Variants in PDZD2 observed in about 807,000 individuals in gnomAD.
PDZD2 encodes PDZ domain containing 2, also known as PDZ domain-containing protein 2.
In PDZD2, 90 loss-of-function variants were observed where a neutral mutation model predicts 220.7. The observed-to-expected ratio is 0.41, with a 90% CI of 0.34 to 0.49. The LOEUF (loss-of-function observed/expected upper bound fraction) is 0.49. PDZD2 is among the 20% of genes least tolerant of loss of function. The pLI is 0.28. For missense variants in PDZD2, 3,174 were observed against 3,608.5 expected, an observed-to-expected ratio of 0.88 and a Z score of 3.08; for synonymous variants, 1,375 against 1,450.5, an observed-to-expected ratio of 0.95 and a Z score of 1.18.
intron 1 of PDZD2, among the ~76,000 whole-genome samples, chr5:31,797,124 T>C (rs1754092593): frequency 8.6e-6 from 1 of 115,656 alleles, no homozygotes; most frequent in East Asian, 3.2e-4. Context: ...TTTTTTTTTT[T>C]AGTAGAGACG....
chr5:31,805,822 C>A (rs1754679720), intron 2 of PDZD2, among the ~76,000 whole-genome samples: 1 of 152,142 alleles, frequency 6.6e-6, no homozygotes, highest in Admixed American at 6.5e-5. Context: ...TCCAGGATAA[C>A]TGTTGTCTTT....
At chr5:31,989,532 C>T (rs1269770012) in intron 3 of PDZD2, among the ~76,000 whole-genome samples, 1 of 151,012 alleles carries the variant, frequency 6.6e-6, no homozygotes, top group African/African-American at 2.4e-5. Context: ...AAGCAATTCT[C>T]CTGCCTCAGC....
At chr5:31,869,840 C>T (rs1221904233) in intron 2 of PDZD2, among the ~76,000 whole-genome samples, 2 of 152,088 alleles carry the variant, frequency 1.3e-5, no homozygotes, top group African/African-American at 4.8e-5. Flanking sequence ...TCGGCTCGGG[C>T]ATCTGAGGGC....
intron 7 of PDZD2, among the ~76,000 whole-genome samples, chr5:32,038,182 T>TAAAAA (rs547581515): frequency 9.2e-6 from 1 of 109,056 alleles, no homozygotes; most frequent in East Asian, 2.6e-4. Flanking sequence ...TTTCCTCCAT[T>TAAAAA]AAAAAAAAAA....
At chr5:31,819,678 T>TC (rs1755705733) in intron 2 of PDZD2, among the ~76,000 whole-genome samples, 2 of 127,192 alleles carry the variant, frequency 1.6e-5, no homozygotes, top group Admixed American at 8.0e-5. Context: ...AAAAAAGAAT[T>TC]CTGCAATACA....
At chr5:31,813,420 A>G (rs1259120004) in intron 2 of PDZD2, among the ~76,000 whole-genome samples, 1 of 138,448 alleles carries the variant, frequency 7.2e-6, no homozygotes, top group Non-Finnish European at 1.5e-5. Flanking sequence ...ACTGTACTCC[A>G]GCCTGGGCGA....
At chr5:31,690,837 T>TC (rs1747088906) in intron 1 of PDZD2, among the ~76,000 whole-genome samples, 1 of 152,120 alleles carries the variant, frequency 6.6e-6, no homozygotes, top group African/African-American at 2.4e-5. Context: ...TGCAAACATA[T>TC]TTTTTTGGGG....
intron 13 of PDZD2, among the ~76,000 whole-genome samples, chr5:32,060,102 T>C (rs1469263611): frequency 6.6e-6 from 1 of 152,224 alleles, no homozygotes; most frequent in Admixed American, 6.5e-5. Context: ...ATGGCATTCA[T>C]TGAGGTTGCC....
chr5:32,003,381 ACAC>A (rs1752519410), intron 5 of PDZD2, among the ~76,000 whole-genome samples: 1 of 34,518 alleles, frequency 2.9e-5, no homozygotes, highest in Non-Finnish European at 7.5e-5. Flanking sequence ...CACCACACAC[ACAC>A]CCACACACAC....
chr5:31,893,342 G>A (rs1741236235), intron 2 of PDZD2, among the ~76,000 whole-genome samples: 1 of 152,136 alleles, frequency 6.6e-6, no homozygotes, highest in Non-Finnish European at 1.5e-5. Context: ...AGACCAAGGT[G>A]GGCGGATTGC....
intron 1 of PDZD2, among the ~76,000 whole-genome samples, chr5:31,731,759 T>C (rs1190159298): frequency 6.6e-6 from 1 of 152,230 alleles, no homozygotes; most frequent in Non-Finnish European, 1.5e-5. Flanking sequence ...TGATGAACAT[T>C]TGGGCTGTTT....
intron 2 of PDZD2, among the ~76,000 whole-genome samples, chr5:31,916,117 T>C (rs1462292665): frequency 2.0e-5 from 3 of 152,218 alleles, no homozygotes; most frequent in African/African-American, 7.2e-5. Context: ...CTGGAATTTA[T>C]TTTTCCATCT....
At chr5:32,091,584 C>G (rs1743170303) in intron 20 of PDZD2, among the ~76,000 whole-genome samples, 1 of 152,146 alleles carries the variant, frequency 6.6e-6, no homozygotes, top group African/African-American at 2.4e-5. Flanking sequence ...CACCCGGCCA[C>G]TTCTTACCCA....
chr5:32,005,324 T>C (rs1752712225), intron 5 of PDZD2, among the ~76,000 whole-genome samples: 3 of 152,212 alleles, frequency 2.0e-5, no homozygotes, highest in Admixed American at 2.0e-4. Context: ...GCCTTATGTT[T>C]CCACACAAAT....
At chr5:31,766,572 A>G (rs1023135033) in intron 1 of PDZD2, among the ~76,000 whole-genome samples, 1 of 151,992 alleles carries the variant, frequency 6.6e-6, no homozygotes, top group African/African-American at 2.4e-5. Context: ...TTGAATTTTT[A>G]GTAGAGATGG....
chr5:31,750,543 C>T (rs745351876), intron 1 of PDZD2, among the ~76,000 whole-genome samples: 32 of 152,154 alleles, frequency 2.1e-4, no homozygotes, highest in Non-Finnish European at 3.7e-4. Flanking sequence ...CACGAGGGTC[C>T]GCCAAGGATG....
intron 1 of PDZD2, among the ~76,000 whole-genome samples, chr5:31,785,695 C>A (rs1284534736): frequency 1.3e-5 from 2 of 152,040 alleles, no homozygotes; most frequent in African/African-American, 4.8e-5. Context: ...CCTGCCTCAG[C>A]CTCCCAAAGT....
At chr5:31,974,209 G>C (rs1347137118) in intron 2 of PDZD2, among the ~76,000 whole-genome samples, 4 of 152,112 alleles carry the variant, frequency 2.6e-5, no homozygotes, top group Admixed American at 6.5e-5. Context: ...TCTAACTCCC[G>C]ACCTCAGGTG....
At chr5:31,913,532 A>G (rs1368052365) in intron 2 of PDZD2, among the ~76,000 whole-genome samples, 1 of 152,294 alleles carries the variant, frequency 6.6e-6, no homozygotes, top group East Asian at 1.9e-4. Flanking sequence ...CTCTGGATGC[A>G]GTGTCTGATT....
Sources: allele counts gnomAD v4.1 joint callset (sites outside exome capture counted in the v4.1 genomes callset), GRCh38; gene constraint gnomAD v4.1.1; transcripts MANE v1.5; gene names NCBI Gene and HGNC (gene_info 2026-07-23, HGNC 2026-07-21).